ATRNL1: variants seen among roughly 807,000 people sequenced by gnomAD.
ATRNL1 encodes the protein attractin-like protein 1.
Under a neutral mutation model 182.7 loss-of-function variants are expected in ATRNL1, and 95 were observed. The observed-to-expected ratio is 0.52, with a 90% CI of 0.44 to 0.62. The LOEUF (loss-of-function observed/expected upper bound fraction) is 0.62, where lower values mean the gene tolerates loss of function less well. ATRNL1 is among the 20% of genes least tolerant of loss of function. The probability of loss-of-function intolerance (pLI) is 0.00; values close to 1 mark genes in which losing one functional copy is unlikely to be tolerated. For missense variants in ATRNL1, 1,471 were observed against 1,679.5 expected (o/e 0.88, Z 2.17); for synonymous variants, 576 against 568.3 (o/e 1.01, Z -0.19).
At chr10:115,554,426 A>G (rs1167545863) in intron 26 of ATRNL1, among the ~76,000 whole-genome samples, 1 of 151,610 alleles carries the variant, frequency 6.6e-6, no homozygotes, top group Non-Finnish European at 1.5e-5. Flanking sequence ...AAAATAACTG[A>G]TACTTACCTT....
At chr10:115,339,906 A>G (rs75253097) in intron 19 of ATRNL1, among the ~76,000 whole-genome samples, 1 of 152,142 alleles carries the variant, frequency 6.6e-6, no homozygotes, top group Non-Finnish European at 1.5e-5. Context: ...GGTTTTTATC[A>G]TGAAGGGATC....
chr10:115,785,504 C>G (rs762773383), intron 27 of ATRNL1, among the ~76,000 whole-genome samples: 9 of 152,186 alleles, frequency 5.9e-5, no homozygotes, highest in Non-Finnish European at 1.3e-4. Context: ...ATTGCTCATG[C>G]AATTCATGGG....
At chr10:115,544,716 A>T (rs540021581) in intron 25 of ATRNL1, among the ~76,000 whole-genome samples, 1 of 152,330 alleles carries the variant, frequency 6.6e-6, no homozygotes, top group East Asian at 1.9e-4. Context: ...AAATATCCAA[A>T]CTATATCAGA....
intron 8 of ATRNL1, among the ~76,000 whole-genome samples, chr10:115,176,799 CT>C: frequency 6.6e-6 from 1 of 152,150 alleles, no homozygotes; most frequent in South Asian, 2.1e-4. Flanking sequence ...TATAGGTACT[CT>C]TTTTTTAAAA....
Position 115,461,923 on chromosome 10 carries a change from T to G in ATRNL1, c.3323-18T>G. ...TTTAAAGTACATATCAGGATTGTAC[T>G]TTTTTTCCTCCCTACAGACAGCCTT... On this transcript the variant is annotated intron_variant, in intron 21 of 28. Coordinates refer to ENST00000355044, the MANE Select transcript of ATRNL1 (RefSeq NM_207303.4). The G allele has an allele frequency of 6.3e-7, 1 of 1,576,876 alleles. No homozygotes were observed. The highest frequency in any genetic ancestry group is 8.7e-7 in the Non-Finnish European group (1 of 1,154,872).
intron 21 of ATRNL1, among the ~76,000 whole-genome samples, chr10:115,460,047 C>A (rs562612610): frequency 6.6e-6 from 1 of 152,128 alleles, no homozygotes; most frequent in Non-Finnish European, 1.5e-5. Context: ...ATGTCTATAG[C>A]ACTAAATTCT....
chr10:115,853,224 T>C (rs1216852256), intron 28 of ATRNL1, among the ~76,000 whole-genome samples: 3 of 152,202 alleles, frequency 2.0e-5, no homozygotes, highest in Non-Finnish European at 4.4e-5. Context: ...CTCAGAGCCA[T>C]TGGGAAACTT....
At position 115,171,311 on chromosome 10, in the gene ATRNL1, G is replaced by T; in HGVS notation, c.1348+19G>T. On this transcript the variant is annotated intron_variant, in intron 8 of 28. Coordinates refer to ENST00000355044, the MANE Select transcript of ATRNL1 (RefSeq NM_207303.4). ...CATATCTGTGAGTTACTTAAAAATT[G>T]TAATTTCTTTATTGATTGGGAATGT... The T allele has an allele frequency of 6.6e-7, 1 of 1,521,836 alleles. No individual in the cohort carries two copies. Among genetic ancestry groups the T allele is most frequent in the Non-Finnish European group, 8.9e-7 (1 of 1,120,990 alleles). 94.3% of individuals were successfully genotyped at this position (1,521,836 alleles called of 1,614,324 possible).
intron 3 of ATRNL1, among the ~76,000 whole-genome samples, chr10:115,125,174 A>G (rs1844911709): frequency 6.6e-6 from 1 of 152,216 alleles, no homozygotes; most frequent in Non-Finnish European, 1.5e-5. Flanking sequence ...AATCAGTGAC[A>G]TTTACTTAGT....
intron 19 of ATRNL1, among the ~76,000 whole-genome samples, chr10:115,382,350 C>T (rs549111404): frequency 9.9e-5 from 15 of 151,996 alleles, no homozygotes; most frequent in Admixed American, 6.5e-4. Context: ...TTATTTATAC[C>T]ATCTTTAATT....
At chr10:115,536,241 C>T (rs1319894247) in intron 25 of ATRNL1, among the ~76,000 whole-genome samples, 2 of 152,142 alleles carry the variant, frequency 1.3e-5, no homozygotes, top group Non-Finnish European at 2.9e-5. Context: ...AGGCAGACCT[C>T]CTTGAGCTGT....
intron 8 of ATRNL1, among the ~76,000 whole-genome samples, chr10:115,188,259 T>A (rs1848032129): frequency 6.6e-6 from 1 of 152,132 alleles, no homozygotes; most frequent in Non-Finnish European, 1.5e-5. Flanking sequence ...AGATAAATGT[T>A]TTTTCATATT....
intron 3 of ATRNL1, among the ~76,000 whole-genome samples, chr10:115,126,773 ATTTG>A (rs1554873648): frequency 6.6e-6 from 1 of 152,180 alleles, no homozygotes; most frequent in Non-Finnish European, 1.5e-5. Context: ...GAGTTATATA[ATTTG>A]TTTGTTAGCA....
At chr10:115,854,606 T>G (rs1951136644) in intron 28 of ATRNL1, among the ~76,000 whole-genome samples, 1 of 152,172 alleles carries the variant, frequency 6.6e-6, no homozygotes, top group Non-Finnish European at 1.5e-5. Context: ...CTGGATTTCC[T>G]CCCGTTCAGA....
chr10:115,944,580 G>A (rs549750450), intron 28 of ATRNL1, 78 bp from the exon 29 acceptor site: 22 of 1,231,236 alleles, frequency 1.8e-5, no homozygotes, highest in Non-Finnish European at 7.7e-6. Flanking sequence ...GCAATAAAAA[G>A]CAGGGCCCTT....
At chr10:115,862,522 A>G (rs1409721113) in intron 28 of ATRNL1, among the ~76,000 whole-genome samples, 2 of 152,218 alleles carry the variant, frequency 1.3e-5, no homozygotes, top group African/African-American at 2.4e-5. Flanking sequence ...AGAAATGCAA[A>G]TTAAAACACT....
chr10:115,249,572 T>C (rs782457140), intron 10 of ATRNL1, among the ~76,000 whole-genome samples: 14 of 152,168 alleles, frequency 9.2e-5, no homozygotes, highest in Non-Finnish European at 1.5e-5. Context: ...GAGAGAACAG[T>C]AACTCTAATT....
chr10:115,897,661 A>G (rs545063880), intron 28 of ATRNL1, among the ~76,000 whole-genome samples: 33 of 152,180 alleles, frequency 2.2e-4, no homozygotes, highest in Non-Finnish European at 4.1e-4. Context: ...ATTTGTCACC[A>G]TCAGGGAATG....
At chr10:115,653,385 A>G (rs548854001) in intron 26 of ATRNL1, among the ~76,000 whole-genome samples, 5 of 152,166 alleles carry the variant, frequency 3.3e-5, no homozygotes, top group East Asian at 3.9e-4. Context: ...CCTTAGGCCT[A>G]TCTCTCAATG....
Sources: gnomAD v4.1 joint callset for allele counts (sites outside exome capture counted in the v4.1 genomes callset) on GRCh38, gnomAD v4.1.1 for gene constraint, MANE v1.5 for transcripts, NCBI Gene and HGNC (gene_info 2026-07-23, HGNC 2026-07-21) for gene names.